Variants in SCN11A observed in about 807,000 individuals in gnomAD.
SCN11A encodes sodium channel protein type 11 subunit alpha.
Under a neutral mutation model 162.2 loss-of-function variants are expected in SCN11A, and 122 were observed. That is an observed-to-expected ratio of 0.75 (90% CI 0.65 to 0.87). SCN11A has a LOEUF of 0.87. SCN11A is among the 40% of genes least tolerant of loss of function. The pLI is 0.00. For missense variants in SCN11A, 2,015 were observed against 2,181.6 expected, an observed-to-expected ratio of 0.92 and a Z score of 1.52; for synonymous variants, 758 against 751.5, an observed-to-expected ratio of 1.01 and a Z score of -0.14.
chr3:39,046,997 A>G lies in SCN11A; in HGVS notation c.-404+4864T>C, dbSNP rs141162563. On this transcript the variant is annotated intron_variant, in intron 1 of 29. Transcript: ENST00000302328. ...CAGCCTCCCAGAGTGCTGGGATTATAGGTGTGAGCCATTGCACACAGCCCC... is the reference window on the plus strand; with the variant it reads ...CAGCCTCCCAGAGTGCTGGGATTATGGGTGTGAGCCATTGCACACAGCCCC... 1.4e-3 allele frequency among the ~76,000 whole-genome samples: 215 copies of G among 148,590 alleles called. 6 individuals carry two copies. In the East Asian group the frequency reaches 0.038, roughly 26 times the overall value.
intron 2 of SCN11A, among the ~76,000 whole-genome samples, chr3:38,982,605 A>T (rs1292942008): frequency 6.6e-6 from 1 of 152,196 alleles, no homozygotes; most frequent in East Asian, 1.9e-4. Context: ...CATAGGTTTC[A>T]TTTACTAAGG....
chr3:38,898,852 C>G (rs1209713650), intron 17 of SCN11A, among the ~76,000 whole-genome samples: 1 of 152,028 alleles, frequency 6.6e-6, no homozygotes, highest in Non-Finnish European at 1.5e-5. Context: ...CAGGAAAAAC[C>G]TGTGGTTCCA....
chr3:38,895,743 T>C (rs555422649), intron 18 of SCN11A, among the ~76,000 whole-genome samples: 1 of 152,188 alleles, frequency 6.6e-6, no homozygotes, highest in East Asian at 1.9e-4. Context: ...AGCTCTCCTC[T>C]ATCTGTCTAA....
Position 39,048,516 on chromosome 3 carries a change from G to A in SCN11A, c.-404+3345C>T, listed in dbSNP as rs569588970. ...CATATTTTCAAATAGCTAAAAGAGT[G>A]GATATTGAATTTTCCCAAAGCAATT... On this transcript the variant is annotated intron_variant, in intron 1 of 29. Transcript: ENST00000302328. Among the ~76,000 whole-genome samples the A allele has an allele frequency of 2.0e-5, 3 of 152,138 alleles. No individual in the cohort carries two copies. The East Asian group carries it at 5.8e-4, about 29-fold the overall frequency.
intron 2 of SCN11A, among the ~76,000 whole-genome samples, chr3:38,962,780 G>A (rs1324928735): frequency 6.6e-6 from 1 of 151,914 alleles, no homozygotes; most frequent in Non-Finnish European, 1.5e-5. Flanking sequence ...CCCAGGGAGC[G>A]GAGGTTGCAG....
chr3:38,855,812 T>C (rs774637032), intron 28 of SCN11A, among the ~76,000 whole-genome samples: 1 of 152,170 alleles, frequency 6.6e-6, no homozygotes, highest in Admixed American at 6.5e-5. Flanking sequence ...CAGAGTCTAC[T>C]TCACTCTCCT....
At chr3:39,009,998 A>T (rs1385309052) in intron 2 of SCN11A, among the ~76,000 whole-genome samples, 1 of 151,946 alleles carries the variant, frequency 6.6e-6, no homozygotes, top group Non-Finnish European at 1.5e-5. Flanking sequence ...GCATGTACAT[A>T]GCCATATTAA....
chr3:38,851,284 C>A (rs60436693), intron 28 of SCN11A, among the ~76,000 whole-genome samples: 5,931 of 152,080 alleles, frequency 0.039, 223 homozygotes, highest in East Asian at 0.16. Context: ...TTCTTCAATG[C>A]CAATTTTAAA....
intron 3 of SCN11A, among the ~76,000 whole-genome samples, chr3:38,954,134 CTG>C (rs2066653500): frequency 6.6e-6 from 1 of 152,198 alleles, no homozygotes; most frequent in Non-Finnish European, 1.5e-5. Flanking sequence ...AGATTCATCA[CTG>C]TCTGTCCCAC....
chr3:38,963,060 C>T (rs935190988), intron 2 of SCN11A, among the ~76,000 whole-genome samples: 4 of 151,086 alleles, frequency 2.6e-5, no homozygotes, highest in African/African-American at 9.7e-5. Flanking sequence ...TAGATGTTGG[C>T]GTGGATGCAG....
intron 26 of SCN11A, among the ~76,000 whole-genome samples, chr3:38,868,555 G>A (rs183647034): frequency 6.6e-6 from 1 of 152,336 alleles, no homozygotes; most frequent in African/African-American, 2.4e-5. Flanking sequence ...TGAAGGTGGA[G>A]AGTTTTATTG....
chr3:38,980,677 G>C (rs964943710), intron 2 of SCN11A, among the ~76,000 whole-genome samples: 1 of 152,200 alleles, frequency 6.6e-6, no homozygotes, highest in Non-Finnish European at 1.5e-5. Context: ...GGGTTTTCTG[G>C]AGGTGGTTGC....
rs752292629 is a variant in SCN11A at position 38,986,276 on chromosome 3, G to A, written c.-279-25853C>T. 1.1e-4 allele frequency among the ~76,000 whole-genome samples: 17 copies of A among 151,116 alleles called. 1 individual carries two copies. The highest frequency in any genetic ancestry group is 5.8e-4 in the East Asian group (3 of 5,176). On this transcript the variant is annotated intron_variant, in intron 2 of 29. Coordinates refer to ENST00000302328, the MANE Select transcript of SCN11A (RefSeq NM_001349253.2). ...AAGTGCCGACAGAGCCAGCAGATGC[G>A]TCAGGGAGGCCAGTCTAATAAAGAG...
intron 14 of SCN11A, among the ~76,000 whole-genome samples, chr3:38,907,351 T>C (rs1301279061): frequency 3.5e-5 from 2 of 56,354 alleles, no homozygotes; most frequent in African/African-American, 1.0e-4. Flanking sequence ...TGTATATATC[T>C]ATATATACAC....
chr3:39,018,425 T>G (rs781282784), intron 2 of SCN11A, among the ~76,000 whole-genome samples: 3 of 152,238 alleles, frequency 2.0e-5, no homozygotes, highest in Non-Finnish European at 4.4e-5. Flanking sequence ...TTCCCCTTCC[T>G]GTTCTAAGAC....
chr3:39,032,755 C>G (rs1405220202), intron 1 of SCN11A, among the ~76,000 whole-genome samples: 2 of 152,168 alleles, frequency 1.3e-5, no homozygotes, highest in Admixed American at 1.3e-4. Context: ...TGAATATTTC[C>G]TGCATACTAA....
chr3:39,005,953 A>C (rs917344968), intron 2 of SCN11A, among the ~76,000 whole-genome samples: 4 of 152,176 alleles, frequency 2.6e-5, no homozygotes, highest in Admixed American at 2.0e-4. Flanking sequence ...TGAGATTTCT[A>C]AATCATTATT....
At chr3:38,899,812 C>T in intron 17 of SCN11A, 82 bp downstream of exon 17, 1 of 1,112,868 alleles carries the variant, frequency 9.0e-7, no homozygotes, top group Non-Finnish European at 1.3e-6. Flanking sequence ...AAGTTTAGTA[C>T]AAGATAACCA....
intron 9 of SCN11A, among the ~76,000 whole-genome samples, 177 bp from the exon 10 acceptor site, chr3:38,921,432 G>A (rs2066050815): frequency 1.3e-5 from 2 of 152,202 alleles, no homozygotes; most frequent in African/African-American, 4.8e-5. Context: ...TGCCTTGGAA[G>A]CTGAGTGTCA....
Sources: gnomAD v4.1 joint callset for allele counts (sites outside exome capture counted in the v4.1 genomes callset) on GRCh38, gnomAD v4.1.1 for gene constraint, MANE v1.5 for transcripts, NCBI Gene and HGNC (gene_info 2026-07-23, HGNC 2026-07-21) for gene names.